The following STK3 variants were observed in gnomAD, a reference collection of about 807,000 sequenced individuals.
STK3 encodes the protein serine/threonine kinase 3.
STK3 carries 41 observed loss-of-function variants against 58.0 expected under a neutral mutation model. The observed-to-expected ratio is 0.71, with a 90% confidence interval of 0.55 to 0.92. The LOEUF (loss-of-function observed/expected upper bound fraction) is 0.92. Ranked by LOEUF, STK3 falls within the 40% of genes least tolerant of loss-of-function variation. The probability of loss-of-function intolerance (pLI) is 0.00; values close to 1 mark genes in which losing one functional copy is unlikely to be tolerated. For synonymous variants in STK3, 170 were observed against 191.0 expected (o/e 0.89, Z 0.91); for missense variants, 479 against 602.7 (o/e 0.79, Z 2.15).
intron 6 of STK3, among the ~76,000 whole-genome samples, chr8:98,660,029 C>G (rs554081611): frequency 6.6e-6 from 1 of 151,456 alleles, no homozygotes; most frequent in African/African-American, 2.4e-5. Flanking sequence ...AAAAAATGAA[C>G]GAAGACGATG....
chr8:98,453,080 GTTTTTTTTTTTTTTT>G (rs919288019), downstream of STK3, among the ~76,000 whole-genome samples: 6 of 39,680 alleles, frequency 1.5e-4, 1 homozygote, highest in African/African-American at 6.5e-4. Context: ...TTTCTTTCTT[GTTTTTTTTTTTTTTT>G]TTTTTTTTTC....
intron 8 of STK3, among the ~76,000 whole-genome samples, chr8:98,572,477 T>C (rs1813046344): frequency 6.6e-6 from 1 of 152,232 alleles, no homozygotes; most frequent in African/African-American, 2.4e-5. Context: ...GATTTAAAAC[T>C]GTATATGTAA....
At chr8:98,846,917 A>G (rs978893742) in intron 3 of STK3, among the ~76,000 whole-genome samples, 5 of 151,734 alleles carry the variant, frequency 3.3e-5, no homozygotes, top group African/African-American at 9.7e-5. Flanking sequence ...GTGCCCCCCC[A>G]TGACAATGCA....
intron 3 of STK3, among the ~76,000 whole-genome samples, chr8:98,758,700 T>A (rs995150143): frequency 3.9e-5 from 6 of 152,212 alleles, no homozygotes; most frequent in African/African-American, 1.4e-4. Context: ...AGATGGCATC[T>A]CCTTCCAGTA....
the STK3 span, among the ~76,000 whole-genome samples, chr8:98,352,860 T>A: frequency 2.0e-5 from 3 of 152,248 alleles, no homozygotes; most frequent in Non-Finnish European, 4.4e-5. Flanking sequence ...TACTGCTGTT[T>A]CATAGCTGAT....
Position 98,511,473 on chromosome 8 carries a change from A to G in STK3, c.1317+15269T>C, listed in dbSNP as rs1212061936. On this transcript the variant is annotated intron_variant, in intron 10 of 10. Transcript: ENST00000419617. ...AGTATTTTAGAACATTTTCGCTTAA[A>G]GGAGAGCTAATTGATGCTACCCTAA... Among the ~76,000 whole-genome samples the G allele has an allele frequency of 3.9e-5, 6 of 152,224 alleles. No homozygotes were observed. The East Asian group carries it at 7.7e-4, about 20-fold the overall frequency.
At chr8:98,477,657 G>T (rs1020962038) in intron 10 of STK3, among the ~76,000 whole-genome samples, 1 of 136,898 alleles carries the variant, frequency 7.3e-6, no homozygotes, top group Non-Finnish European at 1.5e-5. Context: ...GAAATTCTGT[G>T]GTATAAGGTT....
chr8:98,602,577 A>G (rs1816438616), intron 6 of STK3, among the ~76,000 whole-genome samples: 1 of 152,234 alleles, frequency 6.6e-6, no homozygotes, highest in Non-Finnish European at 1.5e-5. Context: ...TTTATATGTC[A>G]ACTGCATTAG....
intron 6 of STK3, among the ~76,000 whole-genome samples, chr8:98,680,479 T>G (rs1489538103): frequency 6.6e-6 from 1 of 152,184 alleles, no homozygotes; most frequent in Non-Finnish European, 1.5e-5. Flanking sequence ...ATGATGGCTA[T>G]AAGAACACAC....
chr8:98,775,371 C>G (rs1831606973), intron 1 of STK3, among the ~76,000 whole-genome samples: 1 of 152,136 alleles, frequency 6.6e-6, no homozygotes, highest in Non-Finnish European at 1.5e-5. Flanking sequence ...TCAGCTCTGA[C>G]ATATCTTTTC....
intron 6 of STK3, among the ~76,000 whole-genome samples, chr8:98,695,403 A>C (rs1357490556): frequency 6.6e-6 from 1 of 152,074 alleles, no homozygotes; most frequent in Non-Finnish European, 1.5e-5. Flanking sequence ...TTGGTGTTTT[A>C]GACATGAAGT....
downstream of STK3, among the ~76,000 whole-genome samples, chr8:98,397,191 C>T (rs1036622540): frequency 1.3e-5 from 2 of 152,170 alleles, no homozygotes; most frequent in Non-Finnish European, 1.5e-5. Flanking sequence ...TCCCTCTGTC[C>T]GACAGATAAA....
At chr8:98,355,469 T>C in the STK3 span, among the ~76,000 whole-genome samples, 2 of 152,248 alleles carry the variant, frequency 1.3e-5, no homozygotes, top group Non-Finnish European at 2.9e-5. Flanking sequence ...TACATTCCTC[T>C]GATCCAATAA....
At chr8:98,942,253 C>A (rs956595501) in intron 1 of STK3, 3 of 152,308 alleles carry the variant, frequency 2.0e-5, no homozygotes, top group African/African-American at 7.2e-5. Context: ...CTGCGCTCAG[C>A]CTCCGGGCCG....
At chr8:98,659,443 TATC>T (rs1458533677) in intron 6 of STK3, among the ~76,000 whole-genome samples, 4 of 151,946 alleles carry the variant, frequency 2.6e-5, no homozygotes, top group Admixed American at 6.6e-5. Flanking sequence ...TTTTAATTCT[TATC>T]ATATTACTAA....
chr8:98,665,268 C>T (rs1456562822), intron 6 of STK3, among the ~76,000 whole-genome samples: 1 of 152,196 alleles, frequency 6.6e-6, no homozygotes, highest in Non-Finnish European at 1.5e-5. Context: ...AAAGGTCTGA[C>T]TACAAAGGCA....
intron 1 of STK3, among the ~76,000 whole-genome samples, chr8:98,914,962 C>T (rs942625110): frequency 6.6e-6 from 1 of 152,192 alleles, no homozygotes; most frequent in Non-Finnish European, 1.5e-5. Flanking sequence ...ATTTCTGCTA[C>T]TTACTGTGCA....
chr8:98,374,948 A>T (rs1289188086), intron 2 of STK3, among the ~76,000 whole-genome samples: 2 of 152,090 alleles, frequency 1.3e-5, no homozygotes, highest in Non-Finnish European at 2.9e-5. Flanking sequence ...TTTTATTTTC[A>T]AAATTATTAG....
intron 6 of STK3, among the ~76,000 whole-genome samples, chr8:98,674,888 T>C (rs189326557): frequency 1.3e-5 from 2 of 152,286 alleles, no homozygotes; most frequent in East Asian, 3.9e-4. Context: ...TACCAAAAGT[T>C]CCTGTCGGGA....
Sources: gnomAD v4.1 joint callset for allele counts (sites outside exome capture counted in the v4.1 genomes callset) on GRCh38, gnomAD v4.1.1 for gene constraint, MANE v1.5 for transcripts, NCBI Gene and HGNC (gene_info 2026-07-23, HGNC 2026-07-21) for gene names.